PCDHGB5: variants seen among roughly 807,000 people sequenced by gnomAD.
PCDHGB5 encodes protocadherin gamma subfamily B, 5.
A neutral mutation model predicts 62.9 loss-of-function variants in PCDHGB5; 48 were observed. The observed-to-expected ratio is 0.76, with a 90% CI of 0.61 to 0.97. The LOEUF (loss-of-function observed/expected upper bound fraction) is 0.97. Ranked by LOEUF, PCDHGB5 falls within the 50% of genes least tolerant of loss-of-function variation. The probability of loss-of-function intolerance (pLI) is 0.00; values close to 1 mark genes in which losing one functional copy is unlikely to be tolerated. For synonymous variants in PCDHGB5, 474 were observed against 511.2 expected (o/e 0.93, Z 0.98); for missense variants, 1,118 against 1,198.6 (o/e 0.93, Z 0.99).
chr5:141,415,029 G>A (rs777967290), intron 1 of PCDHGB5: 4 of 1,613,436 alleles, frequency 2.5e-6, no homozygotes, highest in Non-Finnish European at 3.4e-6. Flanking sequence ...CCAGCGAGCC[G>A]GGACTCTTCG....
intron 2 of PCDHGB5, among the ~76,000 whole-genome samples, chr5:141,495,471 G>A (rs2099761632): frequency 6.6e-6 from 1 of 152,190 alleles, no homozygotes; most frequent in Non-Finnish European, 1.5e-5. Context: ...TGGGGTCTCC[G>A]TGTCTCTGCC....
chr5:141,491,114 C>T lies in PCDHGB5; in HGVS notation c.2398-3693C>T, dbSNP rs1240431232. 1 of 1,614,104 alleles carries T rather than the reference C, an allele frequency of 6.2e-7. No homozygotes were observed. Among genetic ancestry groups the T allele is most frequent in the Admixed American group, 1.7e-5 (1 of 60,012 alleles). ...GGACTGTTCCTCGTGTCTACACACA[C>T]TGGTGAGGTGCGCACAGCCCGGGCC... On this transcript the variant is annotated intron_variant, in intron 1 of 3. Transcript: ENST00000617380. The surrounding 1 kb of genome is among the most constrained non-coding windows in gnomAD (Gnocchi z 6.9).
chr5:141,453,317 G>A (rs1218359210), intron 1 of PCDHGB5, among the ~76,000 whole-genome samples: 1 of 151,178 alleles, frequency 6.6e-6, no homozygotes, highest in Non-Finnish European at 1.5e-5. Flanking sequence ...ATTTATTTTA[G>A]AGATGGGGTC....
chr5:141,413,965 C>G (rs2095696868), intron 1 of PCDHGB5: 2 of 1,613,292 alleles, frequency 1.2e-6, no homozygotes, highest in East Asian at 2.2e-5. Context: ...TGTGGGCACT[C>G]AGCTGCTGAC....
intron 1 of PCDHGB5, among the ~76,000 whole-genome samples, chr5:141,433,995 CT>C (rs2097669147): frequency 2.6e-5 from 4 of 152,028 alleles, no homozygotes; most frequent in Admixed American, 2.0e-4. Flanking sequence ...GTTTTATATT[CT>C]CTATATATGT....
At chr5:141,430,586 C>G in intron 1 of PCDHGB5, 1 of 517,248 alleles carries the variant, frequency 1.9e-6, no homozygotes, top group Non-Finnish European at 3.1e-6. Context: ...TCCTGCTCGC[C>G]TTGCACGCGC....
At chr5:141,427,659 G>A (rs546743297) in intron 1 of PCDHGB5, 3 of 742,336 alleles carry the variant, frequency 4.0e-6, no homozygotes, top group East Asian at 5.3e-5. Context: ...CGTGGTCCAC[G>A]TGGCCGAAAA....
At chr5:141,480,894 C>CA (rs1235468010) in intron 1 of PCDHGB5, among the ~76,000 whole-genome samples, 15 of 151,848 alleles carry the variant, frequency 9.9e-5, no homozygotes, top group African/African-American at 3.4e-4. Context: ...AAAATGCAAA[C>CA]ATTAGCTGGG....
At chr5:141,408,301 C>A in intron 1 of PCDHGB5, 1 of 1,613,756 alleles carries the variant, frequency 6.2e-7, no homozygotes, top group Non-Finnish European at 8.5e-7. Flanking sequence ...GTGAGCCGAT[C>A]CGCTACTCGA....
At position 141,466,670 on chromosome 5, in the gene PCDHGB5, G is replaced by C. The variant is rs994949602; in HGVS notation, c.2398-28137G>C. On this transcript the variant is annotated intron_variant, in intron 1 of 3. Transcript: ENST00000617380. ...TTCACAAAACATCAGTGATTTCACC[G>C]TTCTTCCACTCAAGCTTCATCATAA... Among the ~76,000 whole-genome samples, 3 of 152,046 alleles carry C rather than the reference G, an allele frequency of 2.0e-5. No homozygotes were observed. The South Asian group carries it at 6.2e-4, about 32-fold the overall frequency.
chr5:141,425,426 A>T (rs1227154364), intron 1 of PCDHGB5, among the ~76,000 whole-genome samples: 1 of 152,236 alleles, frequency 6.6e-6, no homozygotes, highest in African/African-American at 2.4e-5. Flanking sequence ...AGTCCCATTA[A>T]ATAGAGGATA....
At chr5:141,474,148 A>G (rs773360112) in intron 1 of PCDHGB5, among the ~76,000 whole-genome samples, 4 of 152,244 alleles carry the variant, frequency 2.6e-5, no homozygotes, top group Non-Finnish European at 5.9e-5. Context: ...CTTATTATCA[A>G]GAAAATGACA....
chr5:141,449,916 T>C (rs1453191109), intron 1 of PCDHGB5, among the ~76,000 whole-genome samples: 1 of 151,912 alleles, frequency 6.6e-6, no homozygotes, highest in East Asian at 1.9e-4. Context: ...CATATTTAAA[T>C]TCTACCATAC....
intron 1 of PCDHGB5, chr5:141,421,442 A>G (rs769354611): frequency 1.7e-5 from 27 of 1,613,990 alleles, no homozygotes; most frequent in Non-Finnish European, 2.2e-5. Context: ...TCCAGAGGGA[A>G]GACACAGCTT....
chr5:141,432,128 T>C lies in PCDHGB5; in HGVS notation c.2397+31604T>C. 3 of 1,614,080 alleles carry C rather than the reference T, an allele frequency of 1.9e-6. No homozygotes were observed. Among genetic ancestry groups the C allele is most frequent in the Non-Finnish European group, 2.5e-6 (3 of 1,180,016 alleles). On this transcript the variant is annotated intron_variant, in intron 1 of 3. Coordinates refer to ENST00000617380, the MANE Select transcript of PCDHGB5 (RefSeq NM_018925.3). This position sits in a 1 kb window ranked among gnomAD's most constrained non-coding sequence, Gnocchi z 6.0. ...CCCGCCGGTCTTCCCTCAGGCCTCC[T>C]ATTCCGCTTATATCCCAGAGAACAA... is the stretch of plus-strand genomic sequence containing the variant.
At chr5:141,418,127 A>T in intron 1 of PCDHGB5, 1 of 1,614,104 alleles carries the variant, frequency 6.2e-7, no homozygotes, top group Non-Finnish European at 8.5e-7. Context: ...GAAGGACCGA[A>T]TAGACCGTGA....
chr5:141,482,645 G>A (rs1267966412), intron 1 of PCDHGB5, among the ~76,000 whole-genome samples: 1 of 152,120 alleles, frequency 6.6e-6, no homozygotes, highest in Admixed American at 6.5e-5. Context: ...TAGAGGTGGT[G>A]ATGCTTGAGC....
At position 141,491,456 on chromosome 5, in the gene PCDHGB5, C is replaced by G; in HGVS notation, c.2398-3351C>G. On this transcript the variant is annotated intron_variant, in intron 1 of 3. Transcript: ENST00000617380. The surrounding 1 kb of genome is among the most constrained non-coding windows in gnomAD (Gnocchi z 6.9). Reference sequence around the variant, plus strand: ...TGCAGGCGCCAGGACTCACCCTCCCCGGACTTCTATAAGCAGTCCAGCCCC... The same window carrying G: ...TGCAGGCGCCAGGACTCACCCTCCCGGGACTTCTATAAGCAGTCCAGCCCC... 1 of 1,614,104 alleles carries G rather than the reference C, an allele frequency of 6.2e-7. No homozygotes were observed. The highest frequency in any genetic ancestry group is 8.5e-7 in the Non-Finnish European group (1 of 1,180,010).
At position 141,476,591 on chromosome 5, in the gene PCDHGB5, G is replaced by C. The variant is rs200254399; in HGVS notation, c.2398-18216G>C. The C allele has an allele frequency of 6.2e-7, 1 of 1,614,230 alleles. No homozygotes were observed. Among genetic ancestry groups the C allele is most frequent in the East Asian group, 2.2e-5 (1 of 44,870 alleles). On this transcript the variant is annotated intron_variant, in intron 1 of 3. Coordinates refer to ENST00000617380, the MANE Select transcript of PCDHGB5 (RefSeq NM_018925.3). This position sits in a 1 kb window ranked among gnomAD's most constrained non-coding sequence, Gnocchi z 7.6. ...GGGGACGCGCTTTCCGCTCGAGAGCGCGCACGATCCCGATGTGGGAAGCAA... is the reference window on the plus strand; with the variant it reads ...GGGGACGCGCTTTCCGCTCGAGAGCCCGCACGATCCCGATGTGGGAAGCAA...
Sources: gnomAD v4.1 joint callset for allele counts (sites outside exome capture counted in the v4.1 genomes callset) on GRCh38, gnomAD v4.1.1 for gene constraint, Gnocchi (gnomAD v3.1) non-coding constraint, MANE v1.5 for transcripts, NCBI Gene and HGNC (gene_info 2026-07-23, HGNC 2026-07-21) for gene names.